The following RNF152 variants were observed in gnomAD, a reference collection of about 807,000 sequenced individuals.
RNF152 encodes the protein E3 ubiquitin-protein ligase RNF152.
Under a neutral mutation model 12.7 loss-of-function variants are expected in RNF152, and 11 were observed. The ratio of observed to expected loss-of-function variants is 0.86; its 90% CI spans 0.54 to 1.43. The LOEUF (loss-of-function observed/expected upper bound fraction) is 1.43. Among genes scored for constraint, RNF152 ranks in the 40% most tolerant of loss-of-function variants. The probability of loss-of-function intolerance (pLI) is 0.00; values close to 1 mark genes in which losing one functional copy is unlikely to be tolerated. For missense variants in RNF152, 255 were observed against 274.8 expected (o/e 0.93, Z 0.51); for synonymous variants, 113 against 120.3 (o/e 0.94, Z 0.40).
chr18:61,865,498 A>G (rs190485255), intron 1 of RNF152, among the ~76,000 whole-genome samples: 21 of 152,332 alleles, frequency 1.4e-4, no homozygotes, highest in Non-Finnish European at 2.4e-4. Context: ...AATCCATGTG[A>G]CAAACCTGGT....
chr18:61,831,555 G>C (rs1025974226), intron 1 of RNF152, among the ~76,000 whole-genome samples: 1 of 152,080 alleles, frequency 6.6e-6, no homozygotes, highest in African/African-American at 2.4e-5. Context: ...GAAATGTGAG[G>C]TTATGGATTA....
intron 1 of RNF152, among the ~76,000 whole-genome samples, chr18:61,870,187 T>C (rs1233815052): frequency 1.3e-5 from 2 of 152,196 alleles, no homozygotes; most frequent in Non-Finnish European, 2.9e-5. Flanking sequence ...ATAAAGAAGC[T>C]GTGTCGGGAT....
intron 1 of RNF152, among the ~76,000 whole-genome samples, chr18:61,837,136 A>G (rs1160554781): frequency 1.3e-5 from 2 of 152,236 alleles, no homozygotes; most frequent in Non-Finnish European, 2.9e-5. Context: ...TTCGTCTTGC[A>G]TCCAGTCAGT....
chr18:61,877,071 C>G (rs1285012275), intron 1 of RNF152, among the ~76,000 whole-genome samples: 1 of 152,168 alleles, frequency 6.6e-6, no homozygotes, highest in African/African-American at 2.4e-5. Context: ...ATAGAACAGG[C>G]ACACAGACCA....
intron 1 of RNF152, among the ~76,000 whole-genome samples, chr18:61,876,237 C>G (rs1220474621): frequency 1.3e-5 from 2 of 152,198 alleles, no homozygotes; most frequent in Non-Finnish European, 2.9e-5. Context: ...CCTCTGAATT[C>G]CACTACCATT....
rs1446179678 is a variant in RNF152, at chr18:61,808,327, T to C, written c.*7525A>G. The C allele has an allele frequency of 6.8e-6, 1 of 146,002 alleles. No homozygotes were observed. The highest frequency in any genetic ancestry group is 1.5e-5 in the Non-Finnish European group (1 of 67,206). The allele number at this position is 146,002 out of a possible 1,614,324, so 9.0% of individuals were successfully genotyped here. On this transcript the variant is annotated 3_prime_UTR_variant, in exon 2 of 2. Transcript: ENST00000312828. Reference sequence around the variant, plus strand: ...TTTACGAAGTCAATATTTGGCAACATTTGGACAATATTTTCTACACAGCCC... The same window carrying C: ...TTTACGAAGTCAATATTTGGCAACACTTGGACAATATTTTCTACACAGCCC...
In RNF152 at chr18:61,815,562, C is replaced by T. The variant is rs1473145031; in HGVS notation, c.*290G>A. The T allele has an allele frequency of 1.3e-5, 5 of 372,280 alleles. No homozygotes were observed. Among genetic ancestry groups the T allele is most frequent in the African/African-American group, 4.1e-5 (2 of 49,230 alleles). 23.1% of individuals were successfully genotyped at this position (372,280 alleles called of 1,614,324 possible). A position where few individuals can be genotyped will look rare whatever the true frequency, so the allele number is the denominator to read the frequency against. ...TAAGTAGAATATGTCTATCTTGTAA[C>T]ATGATTTTGAAAAATCATAAATTAC... On this transcript the variant is annotated 3_prime_UTR_variant, in exon 2 of 2. Transcript: ENST00000312828.
At chr18:61,822,081 G>A (rs184070318) in intron 1 of RNF152, among the ~76,000 whole-genome samples, 140 of 152,206 alleles carry the variant, frequency 9.2e-4, no homozygotes, top group Non-Finnish European at 1.6e-3. Flanking sequence ...TACTTCAGTA[G>A]AATGCATAAG....
chr18:61,811,436 C>G lies in RNF152; in HGVS notation c.*4416G>C, dbSNP rs1912975113. The G allele has an allele frequency of 6.6e-6, 1 of 152,178 alleles. No individual in the cohort carries two copies. Among genetic ancestry groups the G allele is most frequent in the South Asian group, 2.1e-4 (1 of 4,826 alleles). 9.4% of individuals were successfully genotyped at this position (152,178 alleles called of 1,614,324 possible). Reference sequence around the variant, plus strand: ...GTATTTTTTACTGTTAAAAAAAGTGCTTTTGTGCAAAGCTTCAAATCTTCA... The same window carrying G: ...GTATTTTTTACTGTTAAAAAAAGTGGTTTTGTGCAAAGCTTCAAATCTTCA... On this transcript the variant is annotated 3_prime_UTR_variant, in exon 2 of 2. Coordinates refer to ENST00000312828, the MANE Select transcript of RNF152 (RefSeq NM_173557.3).
At chr18:61,829,790 G>A (rs1279114650) in intron 1 of RNF152, among the ~76,000 whole-genome samples, 1 of 152,118 alleles carries the variant, frequency 6.6e-6, no homozygotes, top group Non-Finnish European at 1.5e-5. Flanking sequence ...GTGAGAAGAA[G>A]TGAGAATATG....
At chr18:61,893,643 G>A (rs1913067470), upstream of RNF152, 1 of 152,474 alleles carries the variant, frequency 6.6e-6, no homozygotes, top group African/African-American at 2.4e-5. Context: ...TCCCGGGAGG[G>A]GCCCTGGGGC....
chr18:61,831,723 C>A (rs765373272), intron 1 of RNF152, among the ~76,000 whole-genome samples: 1 of 152,108 alleles, frequency 6.6e-6, no homozygotes, highest in Middle Eastern at 3.2e-3. Flanking sequence ...AATACAATTT[C>A]TATGTCAGAT....
chr18:61,822,778 C>T (rs1010037550), intron 1 of RNF152, among the ~76,000 whole-genome samples: 7 of 152,088 alleles, frequency 4.6e-5, no homozygotes, highest in African/African-American at 1.7e-4. Flanking sequence ...TCTATGAGGA[C>T]CTTAAATTCA....
chr18:61,847,921 TGAC>T (rs1411952368), intron 1 of RNF152, among the ~76,000 whole-genome samples: 1 of 152,176 alleles, frequency 6.6e-6, no homozygotes, highest in African/African-American at 2.4e-5. Context: ...AGGTCTTCCT[TGAC>T]TGCCTTTTTA....
chr18:61,863,497 T>C (rs1214457675), intron 1 of RNF152, among the ~76,000 whole-genome samples: 7 of 151,904 alleles, frequency 4.6e-5, no homozygotes, highest in Non-Finnish European at 1.0e-4. Context: ...AACATCACTG[T>C]AGACACAATC....
rs1913020269 is a variant in RNF152, at chr18:61,892,795, C to T, written c.-136G>A. 6.6e-6 allele frequency: 1 copy of T among 152,176 alleles called. No individual in the cohort carries two copies. Among genetic ancestry groups the T allele is most frequent in the Admixed American group, 6.5e-5 (1 of 15,286 alleles). The allele number at this position is 152,176 out of a possible 1,614,324, so 9.4% of individuals were successfully genotyped here. A position where few individuals can be genotyped will look rare whatever the true frequency, so the allele number is the denominator to read the frequency against. On this transcript the variant is annotated splice_region_variant and 5_prime_UTR_variant, in exon 1 of 2. Transcript: ENST00000312828. Reference sequence around the variant, plus strand: ...CGCTACCCAGATCGTGGGGGGTTACCTGTATCTGTCACCGAGTCTCTTTCA... The same window carrying T: ...CGCTACCCAGATCGTGGGGGGTTACTTGTATCTGTCACCGAGTCTCTTTCA...
At chr18:61,876,780 G>A (rs990752935) in intron 1 of RNF152, among the ~76,000 whole-genome samples, 1 of 152,200 alleles carries the variant, frequency 6.6e-6, no homozygotes, top group African/African-American at 2.4e-5. Context: ...GAGTAGGCAC[G>A]CACTGTAAGC....
At chr18:61,884,570 T>G (rs1912607944) in intron 1 of RNF152, among the ~76,000 whole-genome samples, 2 of 152,304 alleles carry the variant, frequency 1.3e-5, no homozygotes, top group South Asian at 4.1e-4. Context: ...TTTGTTTGTT[T>G]GTTTGTTTGA....
At chr18:61,829,597 G>GGAGAGAGAGAGAGAGA (rs111850940) in intron 1 of RNF152, among the ~76,000 whole-genome samples, 1 of 142,082 alleles carries the variant, frequency 7.0e-6, no homozygotes, top group Non-Finnish European at 1.5e-5. Flanking sequence ...AGAGAGATAA[G>GGAGAGAGAGAGAGAGA]GAGAGAGAGA....
Sources: gnomAD v4.1 joint callset for allele counts (sites outside exome capture counted in the v4.1 genomes callset) on GRCh38, gnomAD v4.1.1 for gene constraint, MANE v1.5 for transcripts, NCBI Gene and HGNC (gene_info 2026-07-23, HGNC 2026-07-21) for gene names.